The following PGM3 variants were observed in gnomAD, a reference collection of about 807,000 sequenced individuals.
The protein encoded by PGM3 is phosphoglucomutase 3.
In PGM3, 40 loss-of-function variants were observed where a neutral mutation model predicts 66.2. The observed-to-expected ratio is 0.60, with a 90% CI of 0.47 to 0.79. PGM3 has a LOEUF of 0.79. Ranked by LOEUF, PGM3 falls within the 30% of genes least tolerant of loss-of-function variation. The probability of loss-of-function intolerance (pLI) is 0.00; values close to 1 mark genes in which losing one functional copy is unlikely to be tolerated. For synonymous variants in PGM3, 191 were observed against 224.2 expected, an observed-to-expected ratio of 0.85 and a Z score of 1.32; for missense variants, 537 against 643.4, an observed-to-expected ratio of 0.83 and a Z score of 1.79.
chr6:83,169,048 A>C lies in PGM3; in HGVS notation c.*186T>G. On this transcript the variant is annotated 3_prime_UTR_variant, in exon 13 of 13. Coordinates refer to ENST00000513973, the MANE Select transcript of PGM3 (RefSeq NM_015599.3). ...GAAATTAGAGGTAAATTTCTTTAAC[A>C]AGTGTAAGGCTTACCTATTTATAAA... is the stretch of plus-strand genomic sequence containing the variant. The C allele has an allele frequency of 7.2e-7, 1 of 1,379,356 alleles. No individual in the cohort carries two copies. The highest frequency in any genetic ancestry group is 9.4e-7 in the Non-Finnish European group (1 of 1,067,816). 85.4% of individuals were successfully genotyped at this position (1,379,356 alleles called of 1,614,324 possible).
rs943806139 is a variant in PGM3 at position 83,176,385 on chromosome 6, T to C, written c.1030-325A>G. Among the ~76,000 whole-genome samples, 4 of 152,290 alleles carry C rather than the reference T, an allele frequency of 2.6e-5. No homozygotes were observed. In the East Asian group the frequency reaches 7.7e-4, roughly 29 times the overall value. ...TGTGGAGAATAGCTTAGAGCAGAAT[T>C]GCAAGCTTTTTCTGTAACAGGCCAG... On this transcript the variant is annotated intron_variant, in intron 8 of 12. Coordinates refer to ENST00000513973, the MANE Select transcript of PGM3 (RefSeq NM_015599.3).
At position 83,179,959 on chromosome 6, in the gene PGM3, T is replaced by C. The variant is rs539434428; in HGVS notation, c.796A>G (p.Ile266Val). Reference sequence around the variant, plus strand: ...GAACAGCATCTTTCATTGGACTTAATTTCCATTCCTAGCACACAGGATAAT... The same window carrying C: ...GAACAGCATCTTTCATTGGACTTAACTTCCATTCCTAGCACACAGGATAAT... ...SHQKPPQGME[I>V]KSNERCCSFD... Residue 266 changes from isoleucine to valine, a missense_variant, in exon 7 of 13, where the codon ATT (isoleucine) becomes GTT (valine). By Grantham distance (29) the Ile-to-Val change is conservative. Coordinates refer to ENST00000513973, the MANE Select transcript of PGM3 (RefSeq NM_015599.3). The C allele has an allele frequency of 6.2e-7, 1 of 1,609,636 alleles. No individual in the cohort carries two copies. Among genetic ancestry groups the C allele is most frequent in the Non-Finnish European group, 8.5e-7 (1 of 1,177,098 alleles).
rs561639033 is a variant in PGM3 at position 83,181,192 on chromosome 6, T to C, written c.787+544A>G. 1.1e-4 allele frequency among the ~76,000 whole-genome samples: 16 copies of C among 152,326 alleles called. No individual in the cohort carries two copies. In the East Asian group the frequency reaches 3.1e-3, roughly 29 times the overall value. ...CTATTCTGCACTGAGTGGAAAACAC[T>C]GATTGCTAACAACTGTATAAGCAGA... On this transcript the variant is annotated intron_variant, in intron 6 of 12. Coordinates refer to ENST00000513973, the MANE Select transcript of PGM3 (RefSeq NM_015599.3).
chr6:83,153,018 C>G, the PGM3 span, among the ~76,000 whole-genome samples: 1 of 152,080 alleles, frequency 6.6e-6, no homozygotes, highest in African/African-American at 2.4e-5. Flanking sequence ...TTTTTATACC[C>G]TATTATACAC....
chr6:83,169,987 G>C, intron 12 of PGM3: 2 of 398,450 alleles, frequency 5.0e-6, no homozygotes, highest in Non-Finnish European at 9.4e-6. Context: ...ATTTTTAAAA[G>C]AAGAGAAAAG....
chr6:83,157,280 C>T (rs1782999829), downstream of PGM3: 1 of 1,613,886 alleles, frequency 6.2e-7, no homozygotes, highest in Non-Finnish European at 8.5e-7. Context: ...GTCTCCCCAA[C>T]ATCTTACCTC....
rs2128484460 is a variant in PGM3 at position 83,172,040 on chromosome 6, G to A, written c.1262C>T (p.Ser421Phe). ...LFNQAAGDAISDMLVIEAILA... is the reference protein window; with the variant it reads ...LFNQAAGDAIFDMLVIEAILA... ...GATTGCTTCAATCACCAGCATGTCA[G>A]AAATAGCATCACCAGCTGCCTGCAA... Residue 421 changes from serine to phenylalanine, a missense_variant, in exon 11 of 13, where the codon TCT becomes TTT. Transcript: ENST00000513973. 6.2e-7 allele frequency: 1 copy of A among 1,613,964 alleles called. No homozygotes were observed. The highest frequency in any genetic ancestry group is 1.7e-5 in the Admixed American group (1 of 60,016).
At position 83,166,254 on chromosome 6, in the gene PGM3, G is replaced by A. The variant is rs181589261; in HGVS notation, c.*2980C>T. ...TAAAATGGTCAACATTGAGTTCTTGGGCAGCTCTCTTATAGTTGTAAGAGG... is the reference window on the plus strand; with the variant it reads ...TAAAATGGTCAACATTGAGTTCTTGAGCAGCTCTCTTATAGTTGTAAGAGG... On this transcript the variant is annotated 3_prime_UTR_variant, in exon 13 of 13. Coordinates refer to ENST00000513973, the MANE Select transcript of PGM3 (RefSeq NM_015599.3). 5.7e-6 allele frequency: 3 copies of A among 522,280 alleles called. No individual in the cohort carries two copies. The highest frequency in any genetic ancestry group is 1.0e-5 in the Non-Finnish European group (3 of 296,352). The allele number at this position is 522,280 out of a possible 1,614,324, so 32.4% of individuals were successfully genotyped here.
At chr6:83,170,548 C>A in intron 11 of PGM3, 70 bp from the exon 12 acceptor site, 1 of 1,230,234 alleles carries the variant, frequency 8.1e-7, no homozygotes, top group Middle Eastern at 1.9e-4. Context: ...GTTAAACATA[C>A]ATTCTACGAA....
At position 83,181,720 on chromosome 6, in the gene PGM3, T is replaced by C; in HGVS notation, c.787+16A>G. 6.3e-7 allele frequency: 1 copy of C among 1,579,004 alleles called. No individual in the cohort carries two copies. The highest frequency in any genetic ancestry group is 1.2e-5 in the South Asian group (1 of 86,610). The stretch of plus-strand genomic sequence containing the variant: ...GAGCATTAAAAACAAATTTTTGCAG[T>C]GCTAGTACGACATACCCTGTGGAGG... On this transcript the variant is annotated intron_variant, in intron 6 of 12. Coordinates refer to ENST00000513973, the MANE Select transcript of PGM3 (RefSeq NM_015599.3).
Position 83,168,144 on chromosome 6 carries a change from C to A in PGM3, c.*1090G>T, listed in dbSNP as rs544688632. On this transcript the variant is annotated 3_prime_UTR_variant, in exon 13 of 13. Transcript: ENST00000513973. ...AGAAGAGATGGTAGAAAAAGATTTT[C>A]TGGAAGGGATGATAAAAACTTGAGC... 17 of 1,612,500 alleles carry A rather than the reference C, an allele frequency of 1.1e-5. No individual in the cohort carries two copies. In the African/African-American group the frequency reaches 2.1e-4, roughly 20 times the overall value.
At chr6:83,161,829 A>G (rs59836263), downstream of PGM3, among the ~76,000 whole-genome samples, 4,360 of 152,236 alleles carry the variant, frequency 0.029, 152 homozygotes, top group East Asian at 0.084. Context: ...CCAAGGATTT[A>G]TCCTGTCTCT....
At chr6:83,170,581 T>G in intron 11 of PGM3, 103 bp from the exon 12 acceptor site, 1 of 892,316 alleles carries the variant, frequency 1.1e-6, no homozygotes, top group Non-Finnish European at 1.7e-6. Flanking sequence ...AAATATAAAA[T>G]TACATTAAAA....
At chr6:83,155,814 C>T in the PGM3 span, 1 of 992,314 alleles carries the variant, frequency 1.0e-6, no homozygotes, top group Non-Finnish European at 1.4e-6. Context: ...CTGTCTGCCC[C>T]AGAGAGGGGC....
intron 12 of PGM3, 147 bp from the exon 13 acceptor site, chr6:83,169,470 TCTTTCAG>T: frequency 3.3e-6 from 3 of 901,358 alleles, no homozygotes; most frequent in Non-Finnish European, 4.9e-6. Flanking sequence ...CCTTTTTTCA[TCTTTCAG>T]TAACAAATTC....
At chr6:83,153,748 A>G in the PGM3 span, 2 of 1,175,446 alleles carry the variant, frequency 1.7e-6, no homozygotes, top group Non-Finnish European at 2.3e-6. Context: ...AATTGTTTAA[A>G]AAAATTCATA....
rs1583255127 is a variant in PGM3 at position 83,172,045 on chromosome 6, A to T, written c.1257T>A (p.Ala419=). Residue 419 remains alanine (A), a synonymous_variant, in exon 11 of 13, where the codon GCT becomes GCA. Transcript: ENST00000513973. ...IDLFNQAAGD[A]ISDMLVIEAI... is the part of the protein sequence containing the mutation. ...CTTCAATCACCAGCATGTCAGAAAT[A>T]GCATCACCAGCTGCCTGCAAATGGG... The T allele has an allele frequency of 6.2e-7, 1 of 1,614,014 alleles. No homozygotes were observed. The highest frequency in any genetic ancestry group is 1.7e-5 in the Admixed American group (1 of 60,016).
chr6:83,161,108 C>T (rs752330509), downstream of PGM3: 3 of 152,088 alleles, frequency 2.0e-5, no homozygotes, highest in African/African-American at 4.8e-5. Flanking sequence ...AACCAAGACA[C>T]TTACCTTCAC....
the PGM3 span, chr6:83,153,356 C>T: frequency 2.3e-5 from 11 of 477,106 alleles, no homozygotes; most frequent in South Asian, 5.0e-4. Context: ...CAGATGGTGG[C>T]AAAACTCATT....
Sources: allele counts gnomAD v4.1 joint callset (sites outside exome capture counted in the v4.1 genomes callset), GRCh38; gene constraint gnomAD v4.1.1; transcripts MANE v1.5; gene names NCBI Gene and HGNC (gene_info 2026-07-23, HGNC 2026-07-21).